The following NKAIN3 variants were observed in gnomAD, a reference collection of about 807,000 sequenced individuals.
NKAIN3 encodes sodium/potassium-transporting ATPase subunit beta-1-interacting protein 3.
A neutral mutation model predicts 30.2 loss-of-function variants in NKAIN3; 25 were observed. The observed-to-expected ratio is 0.83, with a 90% CI of 0.60 to 1.16. The LOEUF is 1.16. Among genes scored for constraint, NKAIN3 ranks in the 50% most tolerant of loss-of-function variants. The probability of loss-of-function intolerance (pLI) is 0.00; values close to 1 mark genes in which losing one functional copy is unlikely to be tolerated. For synonymous variants in NKAIN3, 91 were observed against 89.6 expected, an observed-to-expected ratio of 1.02 and a Z score of -0.09; for missense variants, 225 against 254.1, an observed-to-expected ratio of 0.89 and a Z score of 0.78.
At chr8:62,855,128 A>G (rs1000622912) in intron 4 of NKAIN3, 1 of 197,282 alleles carries the variant, frequency 5.1e-6, no homozygotes, top group African/African-American at 2.3e-5. Flanking sequence ...AAGGAACAGC[A>G]AAGTGGGAGG....
intron 4 of NKAIN3, among the ~76,000 whole-genome samples, chr8:62,913,510 T>C (rs1298376457): frequency 1.3e-5 from 2 of 152,308 alleles, no homozygotes; most frequent in East Asian, 3.9e-4. Context: ...AACTCCATAC[T>C]ATAATGCAGT....
At chr8:62,877,298 G>C (rs1029171219) in intron 4 of NKAIN3, among the ~76,000 whole-genome samples, 3 of 152,226 alleles carry the variant, frequency 2.0e-5, no homozygotes, top group African/African-American at 7.2e-5. Context: ...CCCCAATAAG[G>C]TGTTCTCAGC....
intron 1 of NKAIN3, among the ~76,000 whole-genome samples, chr8:62,443,176 C>T (rs1307243780): frequency 2.0e-5 from 3 of 151,784 alleles, no homozygotes; most frequent in African/African-American, 7.3e-5. Context: ...AAATCCCAAT[C>T]ACAATTGTTC....
rs1389148452 is a variant in NKAIN3 at position 62,396,671 on chromosome 8, C to T, written c.54+147544C>T. On this transcript the variant is annotated intron_variant, in intron 1 of 6. Transcript: ENST00000623646. ...ACCTGATAATTTTAGCCCTACTTAC[C>T]CTGTCTATTCTGCTAAACCAAATTA... 2.0e-5 allele frequency among the ~76,000 whole-genome samples: 3 copies of T among 152,104 alleles called. No individual in the cohort carries two copies. The East Asian group carries it at 5.8e-4, about 29-fold the overall frequency.
At chr8:62,260,239 C>A (rs1812394672) in intron 1 of NKAIN3, among the ~76,000 whole-genome samples, 1 of 151,712 alleles carries the variant, frequency 6.6e-6, no homozygotes, top group Non-Finnish European at 1.5e-5. Context: ...ATGTGGGAAG[C>A]CATAGGCTAC....
chr8:62,459,139 T>C (rs1805910721), intron 1 of NKAIN3, among the ~76,000 whole-genome samples: 1 of 151,906 alleles, frequency 6.6e-6, no homozygotes. Context: ...TGCTTGATCA[T>C]GAGGCATCTT....
At chr8:62,250,793 CTTAT>C (rs1242691196) in intron 1 of NKAIN3, among the ~76,000 whole-genome samples, 1 of 152,170 alleles carries the variant, frequency 6.6e-6, no homozygotes, top group Non-Finnish European at 1.5e-5. Flanking sequence ...ACAAATGCAA[CTTAT>C]TTGTCAAAGC....
At chr8:62,521,189 G>A (rs142513438) in intron 1 of NKAIN3, among the ~76,000 whole-genome samples, 25 of 151,966 alleles carry the variant, frequency 1.6e-4, no homozygotes, top group African/African-American at 3.4e-4. Context: ...GAAGGATAGC[G>A]GATCGCACCA....
At chr8:62,312,507 T>C (rs1327514037) in intron 1 of NKAIN3, among the ~76,000 whole-genome samples, 1 of 150,444 alleles carries the variant, frequency 6.6e-6, no homozygotes, top group Non-Finnish European at 1.5e-5. Context: ...AGCATGACTT[T>C]TACTTACACA....
At chr8:62,993,818 A>G (rs530280079) in intron 5 of NKAIN3, among the ~76,000 whole-genome samples, 5 of 152,332 alleles carry the variant, frequency 3.3e-5, no homozygotes, top group African/African-American at 1.2e-4. Context: ...AATGAGGCAG[A>G]TAAGGGGGTA....
chr8:62,307,327 C>A (rs1283335420), intron 1 of NKAIN3, among the ~76,000 whole-genome samples: 1 of 148,646 alleles, frequency 6.7e-6, no homozygotes, highest in Non-Finnish European at 1.5e-5. Context: ...TCTATATAAA[C>A]CCTGTTCCCC....
chr8:62,776,195 T>C (rs1399914859), intron 4 of NKAIN3, among the ~76,000 whole-genome samples: 1 of 152,072 alleles, frequency 6.6e-6, no homozygotes, highest in Non-Finnish European at 1.5e-5. Flanking sequence ...TCTTATTTGT[T>C]GGGTCTTCTT....
rs1281845629 is a variant in NKAIN3 at position 62,972,345 on chromosome 8, A to T, written c.*6938A>T. Among the ~76,000 whole-genome samples, 2 of 152,136 alleles carry T rather than the reference A, an allele frequency of 1.3e-5. No individual in the cohort carries two copies. Among genetic ancestry groups the T allele is most frequent in the East Asian group, 3.8e-4 (2 of 5,202 alleles). The stretch of plus-strand genomic sequence containing the variant: ...ATATACAAGTGAGGGAATTAATAAA[A>T]TTTTTTGTAATTATAAATATGTATA... On this transcript the variant is annotated 3_prime_UTR_variant, in exon 7 of 7. Transcript: ENST00000623646.
intron 1 of NKAIN3, among the ~76,000 whole-genome samples, chr8:62,353,783 G>T (rs1411536503): frequency 2.0e-5 from 3 of 152,058 alleles, no homozygotes; most frequent in Non-Finnish European, 2.9e-5. Flanking sequence ...CCCATATGGA[G>T]AATAACTTTT....
intron 1 of NKAIN3, among the ~76,000 whole-genome samples, chr8:62,286,600 G>C (rs1813387123): frequency 6.6e-6 from 1 of 152,112 alleles, no homozygotes; most frequent in Non-Finnish European, 1.5e-5. Flanking sequence ...TTCTTGGCCA[G>C]TTTCCAGAAC....
intron 1 of NKAIN3, among the ~76,000 whole-genome samples, chr8:62,302,797 T>TGGTGGTG: frequency 7.0e-6 from 1 of 142,108 alleles, no homozygotes; most frequent in African/African-American, 3.1e-5. Flanking sequence ...ATGATAGGGC[T>TGGTGGTG]TGATCTGATC....
intron 4 of NKAIN3, among the ~76,000 whole-genome samples, chr8:62,907,761 T>C (rs984035793): frequency 1.3e-5 from 2 of 152,150 alleles, no homozygotes; most frequent in Non-Finnish European, 2.9e-5. Context: ...AACCTCCACC[T>C]AGATTTCAGA....
chr8:62,753,606 G>A (rs17264264), intron 4 of NKAIN3, among the ~76,000 whole-genome samples: 13,334 of 152,056 alleles, frequency 0.088, 605 homozygotes, highest in Middle Eastern at 0.092. Context: ...CTAACCTGAT[G>A]TATGCAAGTT....
At chr8:62,428,758 T>C (rs1429109131) in intron 1 of NKAIN3, among the ~76,000 whole-genome samples, 1 of 151,942 alleles carries the variant, frequency 6.6e-6, no homozygotes, top group African/African-American at 2.4e-5. Context: ...TTTGCAAATA[T>C]CTTCACCTCT....
Sources: gnomAD v4.1 joint callset for allele counts (sites outside exome capture counted in the v4.1 genomes callset) on GRCh38, gnomAD v4.1.1 for gene constraint, MANE v1.5 for transcripts, NCBI Gene and HGNC (gene_info 2026-07-23, HGNC 2026-07-21) for gene names.